The following LRP5 variants were observed in gnomAD, a reference collection of about 807,000 sequenced individuals.
LRP5 encodes the protein low-density lipoprotein receptor-related protein 5.
A neutral mutation model predicts 154.1 loss-of-function variants in LRP5; 62 were observed. That is an observed-to-expected ratio of 0.40 (90% CI 0.33 to 0.50). The LOEUF (loss-of-function observed/expected upper bound fraction) is 0.50. LRP5 is among the 20% of genes least tolerant of loss of function. LRP5 has a pLI of 0.55. For synonymous variants in LRP5, 966 were observed against 1,011.5 expected (o/e 0.96, Z 0.85); for missense variants, 1,915 against 2,336.7 (o/e 0.82, Z 3.72).
At chr11:68,437,128 G>C (rs1193076143) in intron 19 of LRP5, 129 bp downstream of exon 19, 1 of 754,052 alleles carries the variant, frequency 1.3e-6, no homozygotes, top group South Asian at 1.5e-5. Context: ...CGGCTGGGAG[G>C]CTCCTTGCGG....
intron 9 of LRP5, 59 bp from the exon 10 acceptor site, chr11:68,409,855 A>T: frequency 7.1e-7 from 1 of 1,407,666 alleles, no homozygotes; most frequent in Non-Finnish European, 1.0e-6. Context: ...CGTCTCAAAA[A>T]AAAAAAAAAA....
chr11:68,414,148 G>C, intron 12 of LRP5, 136 bp downstream of exon 12: 7 of 819,756 alleles, frequency 8.5e-6, no homozygotes, highest in Non-Finnish European at 1.4e-5. Context: ...CACTGCACAA[G>C]CTGCATGATG....
chr11:68,381,036 A>G (rs1263745071), intron 5 of LRP5, among the ~76,000 whole-genome samples: 3 of 152,226 alleles, frequency 2.0e-5, no homozygotes, highest in Admixed American at 6.5e-5. Context: ...GCCTATATCC[A>G]CGGTGCTGGT....
intron 11 of LRP5, among the ~76,000 whole-genome samples, chr11:68,412,506 A>T (rs1382810456): frequency 2.6e-5 from 4 of 152,202 alleles, no homozygotes; most frequent in East Asian, 3.9e-4. Context: ...TTAGCTGGGC[A>T]TGGTGGTTCA....
intron 16 of LRP5, 91 bp from the exon 17 acceptor site, chr11:68,429,482 TCA>T: frequency 6.5e-7 from 1 of 1,540,956 alleles, no homozygotes; most frequent in Non-Finnish European, 8.9e-7. Flanking sequence ...GGGCCAGTTC[TCA>T]TGAGTTCTCA....
intron 13 of LRP5, among the ~76,000 whole-genome samples, chr11:68,422,910 T>G (rs1809003902): frequency 8.1e-6 from 1 of 123,688 alleles, no homozygotes; most frequent in African/African-American, 3.0e-5. Context: ...CACCCTCACC[T>G]GCCCTCCCCT....
intron 3 of LRP5, among the ~76,000 whole-genome samples, chr11:68,362,338 T>C (rs773088898): frequency 1.3e-5 from 2 of 152,112 alleles, no homozygotes; most frequent in African/African-American, 2.4e-5. Flanking sequence ...TAGACAGAAG[T>C]GGAGGCTGCA....
In LRP5 at chr11:68,438,478, G is replaced by A. The variant is rs2153181211; in HGVS notation, c.4144G>A (p.Ala1382Thr). 1 of 1,614,192 alleles carries A rather than the reference G, an allele frequency of 6.2e-7. No homozygotes were observed. The highest frequency in any genetic ancestry group is 8.5e-7 in the Non-Finnish European group (1 of 1,180,042). The change falls in exon 20 of 23, where the codon GCC (alanine) becomes ACC (threonine). Residue 1382 changes from alanine (A) to threonine (T), a missense_variant. Transcript: ENST00000294304. Reference sequence around the variant, plus strand: ...CAAGCCGCCCTCAGACGACAGCCCGGCCCACAGCAGTGCCATCGGGCCCGT... The same window carrying A: ...CAAGCCGCCCTCAGACGACAGCCCGACCCACAGCAGTGCCATCGGGCCCGT... ...ITKPPSDDSP[A>T]HSSAIGPVIG...
Position 68,344,861 on chromosome 11 carries a change from T to C in LRP5, c.92-2986T>C, listed in dbSNP as rs2098611538. Among the ~76,000 whole-genome samples, 26 of 127,360 alleles carry C rather than the reference T, an allele frequency of 2.0e-4. No individual in the cohort carries two copies. The South Asian group carries it at 6.6e-3, about 32-fold the overall frequency. 83.6% of individuals were successfully genotyped at this position (127,360 alleles called of 152,430 possible). ...TCAGAATCTCTCTCTTTTTTTTTTT[T>C]TTTTTTTTTTTTTTTTTTGCAGACA... On this transcript the variant is annotated intron_variant, in intron 1 of 22. Transcript: ENST00000294304.
intron 1 of LRP5, among the ~76,000 whole-genome samples, chr11:68,331,258 C>T (rs1451757808): frequency 6.6e-6 from 1 of 152,262 alleles, no homozygotes; most frequent in South Asian, 2.1e-4. Flanking sequence ...TGTTCTGTCA[C>T]CTTGCTTTGG....
the LRP5 span, among the ~76,000 whole-genome samples, chr11:68,299,010 C>G: frequency 6.6e-6 from 1 of 152,202 alleles, no homozygotes. Context: ...TCAGAGCCCT[C>G]CTTAGGGACA....
intron 21 of LRP5, among the ~76,000 whole-genome samples, chr11:68,440,558 G>T (rs1303144500): frequency 6.6e-6 from 1 of 152,192 alleles, no homozygotes; most frequent in Non-Finnish European, 1.5e-5. Flanking sequence ...GCTTGGTGCC[G>T]AGATGTGAAC....
chr11:68,387,169 C>T (rs1301581603), intron 6 of LRP5, among the ~76,000 whole-genome samples: 3 of 150,356 alleles, frequency 2.0e-5, no homozygotes, highest in Non-Finnish European at 3.0e-5. Flanking sequence ...GGCTGGAGTG[C>T]AGTGGTGTGA....
rs530245889 is a variant in LRP5 at position 68,339,074 on chromosome 11, G to A, written c.92-8773G>A. ...TTTTTAGTAGAGATGGGGTTTCACC[G>A]TGTTGCCCAGGCTGCTCTCAAACTC... On this transcript the variant is annotated intron_variant, in intron 1 of 22. Coordinates refer to ENST00000294304, the MANE Select transcript of LRP5 (RefSeq NM_002335.4). 5.3e-5 allele frequency among the ~76,000 whole-genome samples: 8 copies of A among 151,610 alleles called. No individual in the cohort carries two copies. In the East Asian group the frequency reaches 5.9e-4, roughly 11 times the overall value.
At position 68,406,632 on chromosome 11, in the gene LRP5, T is replaced by C. The variant is rs1045994595; in HGVS notation, c.1910T>C (p.Met637Thr). The C allele has an allele frequency of 1.9e-6, 3 of 1,614,054 alleles. No individual in the cohort carries two copies. The African/African-American group carries it at 4.0e-5, about 22-fold the overall frequency. The change falls in exon 9 of 23, where the codon ATG (methionine) becomes ACG (threonine). Residue 637 changes from methionine to threonine, a missense_variant. Coordinates refer to ENST00000294304, the MANE Select transcript of LRP5 (RefSeq NM_002335.4). ...CPIGLELLSD[M>T]KTCIVPEAFL... Reference sequence around the variant, plus strand: ...ATCGGCCTGGAGCTGCTGAGTGACATGAAGACCTGCATCGTGCCTGAGGCC... The same window carrying C: ...ATCGGCCTGGAGCTGCTGAGTGACACGAAGACCTGCATCGTGCCTGAGGCC...
chr11:68,348,653 A>C (rs534414835), intron 2 of LRP5, among the ~76,000 whole-genome samples: 10 of 151,080 alleles, frequency 6.6e-5, no homozygotes, highest in Non-Finnish European at 1.5e-4. Context: ...TGCGACTCTG[A>C]AAATGAACCC....
chr11:68,305,033 A>T, the LRP5 span, among the ~76,000 whole-genome samples: 1 of 152,042 alleles, frequency 6.6e-6, no homozygotes, highest in Admixed American at 6.6e-5. Flanking sequence ...TATATTTTGC[A>T]ATGTGAGAAG....
At chr11:68,428,004 TTTA>T (rs1256653285) in intron 16 of LRP5, among the ~76,000 whole-genome samples, 7 of 151,206 alleles carry the variant, frequency 4.6e-5, no homozygotes, top group Non-Finnish European at 1.0e-4. Flanking sequence ...TATTTATTTA[TTTA>T]TTGAGATGGA....
chr11:68,396,969 C>T (rs1336288856), intron 7 of LRP5, among the ~76,000 whole-genome samples: 2 of 152,224 alleles, frequency 1.3e-5, no homozygotes, highest in African/African-American at 2.4e-5. Flanking sequence ...ATAGCTGCCT[C>T]TTCTCACCGT....
Sources: allele counts gnomAD v4.1 joint callset (sites outside exome capture counted in the v4.1 genomes callset), GRCh38; gene constraint gnomAD v4.1.1; transcripts MANE v1.5; gene names NCBI Gene and HGNC (gene_info 2026-07-23, HGNC 2026-07-21).